The following PTPRD variants were observed in gnomAD, a reference collection of about 807,000 sequenced individuals.
The protein encoded by PTPRD is protein tyrosine phosphatase receptor type D, also known as receptor-type tyrosine-protein phosphatase delta.
Under a neutral mutation model 214.5 loss-of-function variants are expected in PTPRD, and 34 were observed. The observed-to-expected ratio is 0.16, with a 90% CI of 0.12 to 0.21. The LOEUF (loss-of-function observed/expected upper bound fraction) is 0.21. Ranked by LOEUF, PTPRD falls within the 10% of genes least tolerant of loss-of-function variation. The pLI, the probability that PTPRD is intolerant of heterozygous loss-of-function variation, is 1.00. For synonymous variants in PTPRD, 1,128 were observed against 845.7 expected (o/e 1.33, Z -5.79); for missense variants, 2,545 against 2,398.7 (o/e 1.06, Z -1.27).
chr9:8,336,163 CA>C (rs1274352119), intron 43 of PTPRD, among the ~76,000 whole-genome samples: 1 of 148,516 alleles, frequency 6.7e-6, no homozygotes, highest in Non-Finnish European at 1.5e-5. Flanking sequence ...CAATCCTAAG[CA>C]AAAAGAACAA....
chr9:10,268,115 CTT>C (rs375227811), intron 3 of PTPRD, among the ~76,000 whole-genome samples: 309 of 132,784 alleles, frequency 2.3e-3, no homozygotes, highest in Middle Eastern at 3.9e-3. Context: ...CCATCTCCAT[CTT>C]TTTTTTTTTT....
chr9:8,902,637 G>A (rs994698121), intron 11 of PTPRD, among the ~76,000 whole-genome samples: 7 of 151,758 alleles, frequency 4.6e-5, no homozygotes, highest in African/African-American at 1.2e-4. Context: ...GAGCCACCAC[G>A]CCCAGCCTGG....
rs1333817346 is a variant in PTPRD, at chr9:10,200,055, TA to T, written c.-545+140907del. On this transcript the variant is annotated intron_variant, in intron 3 of 45. Transcript: ENST00000381196. ...ACTGTTTTTCTTCTATACAGATGTG[TA>T]AAAATTTTATATCATGTAATATTAG... Among the ~76,000 whole-genome samples the T allele has an allele frequency of 4.6e-5, 7 of 152,182 alleles. No individual in the cohort carries two copies. The East Asian group carries it at 1.4e-3, about 29-fold the overall frequency.
chr9:9,924,497 T>A (rs1271831733), intron 5 of PTPRD, among the ~76,000 whole-genome samples: 1 of 152,116 alleles, frequency 6.6e-6, no homozygotes, highest in Non-Finnish European at 1.5e-5. Context: ...ACAACTCATG[T>A]TGCTACAAAA....
chr9:9,613,750 C>A (rs540556618), intron 7 of PTPRD, among the ~76,000 whole-genome samples: 26 of 152,276 alleles, frequency 1.7e-4, no homozygotes, highest in African/African-American at 6.0e-4. Flanking sequence ...CAGGCCCACC[C>A]CCTAGTCTAC....
intron 7 of PTPRD, among the ~76,000 whole-genome samples, chr9:9,601,184 GAA>G (rs2093739329): frequency 6.7e-6 from 1 of 149,716 alleles, no homozygotes; most frequent in African/African-American, 2.5e-5. Flanking sequence ...GAGAGAGAAA[GAA>G]AGAGATTTGG....
chr9:10,501,344 G>C (rs1200996759), intron 2 of PTPRD, among the ~76,000 whole-genome samples: 1 of 151,912 alleles, frequency 6.6e-6, no homozygotes, highest in Non-Finnish European at 1.5e-5. Context: ...TTTTTAGTTT[G>C]ACAAAGGTCT....
intron 2 of PTPRD, among the ~76,000 whole-genome samples, chr9:10,462,502 T>G (rs1341476050): frequency 6.6e-6 from 1 of 152,192 alleles, no homozygotes; most frequent in Non-Finnish European, 1.5e-5. Context: ...TTCAAAAGCC[T>G]GTGCTCTTTA....
chr9:10,143,765 C>T (rs982677507), intron 3 of PTPRD, among the ~76,000 whole-genome samples: 2 of 152,016 alleles, frequency 1.3e-5, no homozygotes, highest in African/African-American at 2.4e-5. Flanking sequence ...AACATGGATG[C>T]AACTGGAGGC....
intron 40 of PTPRD, 31 bp from the exon 41 acceptor site, chr9:8,341,299 A>C: frequency 6.5e-7 from 1 of 1,549,252 alleles, no homozygotes; most frequent in South Asian, 1.3e-5. Flanking sequence ...AAAAGGAAAA[A>C]CCCAACAAAG....
intron 9 of PTPRD, among the ~76,000 whole-genome samples, chr9:9,303,880 A>T (rs1956274170): frequency 6.6e-6 from 1 of 152,076 alleles, no homozygotes; most frequent in Admixed American, 6.6e-5. Context: ...AAAATTCAAT[A>T]TTTTTCTGAT....
At position 8,670,378 on chromosome 9, in the gene PTPRD, G is replaced by C. The variant is rs148180798; in HGVS notation, c.65-33534C>G. On this transcript the variant is annotated intron_variant, in intron 12 of 45. Coordinates refer to ENST00000381196, the MANE Select transcript of PTPRD (RefSeq NM_002839.4). ...CTGTGTATTACATCCATTACACAGA[G>C]AATGAAACAGTGGTTACTATAGCTA... Among the ~76,000 whole-genome samples, 576 of 152,154 alleles carry C rather than the reference G, an allele frequency of 3.8e-3. 2 individuals carry two copies. The highest frequency in any genetic ancestry group is 0.013 in the African/African-American group (544 of 41,506).
chr9:9,923,937 T>C (rs1440297641), intron 5 of PTPRD, among the ~76,000 whole-genome samples: 7 of 151,918 alleles, frequency 4.6e-5, no homozygotes, highest in Non-Finnish European at 1.0e-4. Flanking sequence ...AGCAGAAGGA[T>C]GAAAGGCTAG....
chr9:10,367,507 A>C (rs1458803214), intron 2 of PTPRD, among the ~76,000 whole-genome samples: 1 of 152,190 alleles, frequency 6.6e-6, no homozygotes, highest in Non-Finnish European at 1.5e-5. Flanking sequence ...GAGTAAAATA[A>C]TGTTGAAAGT....
intron 33 of PTPRD, among the ~76,000 whole-genome samples, chr9:8,457,127 G>A (rs913306064): frequency 1.3e-5 from 2 of 152,052 alleles, no homozygotes; most frequent in Admixed American, 6.6e-5. Context: ...AGCGCATTAT[G>A]ATTAAAAAGG....
intron 11 of PTPRD, among the ~76,000 whole-genome samples, chr9:8,944,970 T>A (rs555815299): frequency 6.6e-6 from 1 of 152,238 alleles, no homozygotes; most frequent in South Asian, 2.1e-4. Flanking sequence ...TTTACTCTGA[T>A]GTGATTATGA....
chr9:9,231,054 G>T (rs888097459), intron 9 of PTPRD, among the ~76,000 whole-genome samples: 1 of 151,874 alleles, frequency 6.6e-6, no homozygotes, highest in Admixed American at 6.6e-5. Context: ...TATGTCTGTC[G>T]GGGGGAGGGG....
At chr9:9,694,686 C>G (rs142175143) in intron 7 of PTPRD, among the ~76,000 whole-genome samples, 3 of 152,274 alleles carry the variant, frequency 2.0e-5, no homozygotes, top group African/African-American at 7.2e-5. Flanking sequence ...AACTACCACA[C>G]CAAGTCCTTC....
intron 2 of PTPRD, among the ~76,000 whole-genome samples, chr9:10,367,721 T>C (rs1424385720): frequency 6.6e-6 from 1 of 152,092 alleles, no homozygotes; most frequent in East Asian, 1.9e-4. Context: ...TTGATTCTTC[T>C]CTCCTCTAAG....
Sources: gnomAD v4.1 joint callset for allele counts (sites outside exome capture counted in the v4.1 genomes callset) on GRCh38, gnomAD v4.1.1 for gene constraint, MANE v1.5 for transcripts, NCBI Gene and HGNC (gene_info 2026-07-23, HGNC 2026-07-21) for gene names.